SLIT3: variants seen among roughly 807,000 people sequenced by gnomAD.
SLIT3 encodes the protein slit guidance ligand 3, also known as slit homolog 3 protein.
SLIT3 carries 68 observed loss-of-function variants against 184.0 expected under a neutral mutation model. The ratio of observed to expected loss-of-function variants is 0.37; its 90% CI spans 0.30 to 0.45. SLIT3 has a LOEUF of 0.45. Ranked by LOEUF, SLIT3 falls within the 20% of genes least tolerant of loss-of-function variation. SLIT3 has a pLI of 1.00. For synonymous variants in SLIT3, 831 were observed against 828.6 expected, an observed-to-expected ratio of 1.00 and a Z score of -0.05; for missense variants, 1,707 against 2,026.0, an observed-to-expected ratio of 0.84 and a Z score of 3.02.
intron 6 of SLIT3, among the ~76,000 whole-genome samples, chr5:168,843,561 C>G (rs576364784): frequency 1.3e-5 from 2 of 152,136 alleles, no homozygotes; most frequent in Non-Finnish European, 2.9e-5. Context: ...ACAGAGCAAC[C>G]AACCCTTTCA....
At position 169,009,210 on chromosome 5, in the gene SLIT3, G is replaced by A. The variant is rs1246821801; in HGVS notation, c.414-125874C>T. Reference sequence around the variant, plus strand: ...ACTAGAAGATGGTTTTCCTCCTCTTGAAACTCCCCTTCTACATCCATGTCC... The same window carrying A: ...ACTAGAAGATGGTTTTCCTCCTCTTAAAACTCCCCTTCTACATCCATGTCC... On this transcript the variant is annotated intron_variant, in intron 4 of 35. Coordinates refer to ENST00000519560, the MANE Select transcript of SLIT3 (RefSeq NM_003062.4). Among the ~76,000 whole-genome samples the A allele has an allele frequency of 2.0e-5, 3 of 152,124 alleles. No homozygotes were observed. The East Asian group carries it at 5.8e-4, about 29-fold the overall frequency.
intron 4 of SLIT3, among the ~76,000 whole-genome samples, chr5:169,075,108 ACT>A (rs1366638447): frequency 1.3e-5 from 2 of 151,764 alleles, no homozygotes; most frequent in Non-Finnish European, 2.9e-5. Context: ...TCACCGAGAG[ACT>A]CTGCTTATGG....
intron 4 of SLIT3, among the ~76,000 whole-genome samples, chr5:169,130,431 CT>C (rs1761252527): frequency 6.6e-6 from 1 of 152,162 alleles, no homozygotes; most frequent in Non-Finnish European, 1.5e-5. Context: ...CCCTTGTTCT[CT>C]TTGGTGGGAC....
chr5:169,233,527 T>G (rs1462118408), intron 3 of SLIT3, among the ~76,000 whole-genome samples: 1 of 152,112 alleles, frequency 6.6e-6, no homozygotes, highest in African/African-American at 2.4e-5. Flanking sequence ...GATGGGTTGA[T>G]ACATGCAGCC....
intron 4 of SLIT3, among the ~76,000 whole-genome samples, chr5:169,006,632 A>ACACACACACACACACAC (rs752430679): frequency 7.5e-6 from 1 of 132,956 alleles, no homozygotes. Flanking sequence ...CACACACACA[A>ACACACACACACACACAC]CTCTCCAAGC....
chr5:168,743,891 T>C (rs1763715248), intron 20 of SLIT3, among the ~76,000 whole-genome samples: 1 of 152,158 alleles, frequency 6.6e-6, no homozygotes, highest in Admixed American at 6.5e-5. Flanking sequence ...CAAAGCCTAA[T>C]CCAGAGCAAG....
intron 5 of SLIT3, among the ~76,000 whole-genome samples, chr5:168,865,173 C>CAAAAA (rs70979103): frequency 3.7e-4 from 21 of 56,054 alleles, no homozygotes; most frequent in South Asian, 7.8e-4. Context: ...AACTCCGTCT[C>CAAAAA]AAAAAAAAAA....
chr5:168,800,150 T>G (rs1320876326), intron 9 of SLIT3, among the ~76,000 whole-genome samples: 1 of 152,208 alleles, frequency 6.6e-6, no homozygotes, highest in Non-Finnish European at 1.5e-5. Context: ...ACCCCAAAGG[T>G]TCAGTTCCTG....
chr5:169,123,919 C>A (rs1471185832), intron 4 of SLIT3, among the ~76,000 whole-genome samples: 9 of 152,092 alleles, frequency 5.9e-5, no homozygotes, highest in Non-Finnish European at 1.0e-4. Flanking sequence ...AGAAAGTTAG[C>A]CAAAGTTTTA....
rs569302071 is a variant in SLIT3, at chr5:169,050,930, G to A, written c.413+142549C>T. Among the ~76,000 whole-genome samples the A allele has an allele frequency of 4.6e-5, 7 of 152,308 alleles. No homozygotes were observed. In the South Asian group the frequency reaches 1.5e-3, roughly 32 times the overall value. The stretch of plus-strand genomic sequence containing the variant: ...CGCATTTAGATTCAGCAGCCTTCCA[G>A]CGCTCTGCTGTCTTATGGACCCTGG... On this transcript the variant is annotated intron_variant, in intron 4 of 35. Coordinates refer to ENST00000519560, the MANE Select transcript of SLIT3 (RefSeq NM_003062.4).
At chr5:168,846,445 C>T (rs115877219) in intron 5 of SLIT3, among the ~76,000 whole-genome samples, 2,551 of 152,194 alleles carry the variant, frequency 0.017, 64 homozygotes, top group African/African-American at 0.057. Context: ...CGCCGACTCC[C>T]TGCAGAGGTT....
chr5:169,235,497 A>G (rs1263758982), intron 3 of SLIT3, among the ~76,000 whole-genome samples: 2 of 152,240 alleles, frequency 1.3e-5, no homozygotes, highest in East Asian at 1.9e-4. Context: ...AACATCTTAT[A>G]TAATACAGTT....
chr5:169,227,945 T>C (rs1273660148), intron 3 of SLIT3, among the ~76,000 whole-genome samples: 2 of 152,078 alleles, frequency 1.3e-5, no homozygotes, highest in African/African-American at 4.8e-5. Flanking sequence ...GCAATACAGG[T>C]GGGGGCACTC....
chr5:168,930,071 C>T (rs2113158369), intron 4 of SLIT3, among the ~76,000 whole-genome samples: 1 of 152,308 alleles, frequency 6.6e-6, no homozygotes, highest in South Asian at 2.1e-4. Context: ...GTCACACAGG[C>T]CAGGGAGGTC....
intron 4 of SLIT3, among the ~76,000 whole-genome samples, chr5:168,900,225 T>C (rs920419687): frequency 6.6e-6 from 1 of 152,188 alleles, no homozygotes; most frequent in Admixed American, 6.5e-5. Context: ...GAAAACAGTA[T>C]GGTGATTTCT....
chr5:169,081,458 C>A (rs1561650906), intron 4 of SLIT3, among the ~76,000 whole-genome samples: 1 of 152,184 alleles, frequency 6.6e-6, no homozygotes, highest in Non-Finnish European at 1.5e-5. Flanking sequence ...AAACTCCTGG[C>A]CATTTTGCTG....
intron 4 of SLIT3, among the ~76,000 whole-genome samples, chr5:168,944,648 G>T (rs1581233159): frequency 6.6e-6 from 1 of 152,238 alleles, no homozygotes; most frequent in East Asian, 1.9e-4. Flanking sequence ...TATGGGTTGA[G>T]TCAGTGAATA....
Position 168,748,381 on chromosome 5 carries a change from A to G in SLIT3, c.2191T>C (p.Cys731Arg). The change falls in exon 20 of 36, where the codon TGT becomes CGT. Residue 731 changes from cysteine (C) to arginine (R), a missense_variant. This residue lies in a region of SLIT3 where 1,307 missense variants were observed against 1,511.6 expected (regional missense o/e 0.86). Coordinates refer to ENST00000519560, the MANE Select transcript of SLIT3 (RefSeq NM_003062.4). ...LSPRCPEQCTCMETVVRCSNK... is the reference protein window; with the variant it reads ...LSPRCPEQCTRMETVVRCSNK... ...CTGCATCGCACCACTGTCTCCATAC[A>G]GGTGCACTGCTCCGGGCAGCGCGGG... is the stretch of plus-strand genomic sequence containing the variant. 1 of 1,518,802 alleles carries G rather than the reference A, an allele frequency of 6.6e-7. No individual in the cohort carries two copies. Among genetic ancestry groups the G allele is most frequent in the Non-Finnish European group, 8.7e-7 (1 of 1,144,976 alleles). The allele number at this position is 1,518,802 out of a possible 1,614,324, so 94.1% of individuals were successfully genotyped here.
chr5:169,056,123 G>A (rs1046951927), intron 4 of SLIT3, among the ~76,000 whole-genome samples: 1 of 152,134 alleles, frequency 6.6e-6, no homozygotes, highest in Non-Finnish European at 1.5e-5. Context: ...GGGCTCGGAG[G>A]AGGCAGTGGA....
Sources: gnomAD v4.1 joint callset for allele counts (sites outside exome capture counted in the v4.1 genomes callset) on GRCh38, gnomAD v4.1.1 for gene constraint, gnomAD v4.1.1 regional missense constraint, MANE v1.5 for transcripts, NCBI Gene and HGNC (gene_info 2026-07-23, HGNC 2026-07-21) for gene names.